Variants in DCDC1 observed in about 807,000 individuals in gnomAD.
The protein encoded by DCDC1 is doublecortin domain containing 1, also known as doublecortin domain-containing protein 1.
A neutral mutation model predicts 178.3 loss-of-function variants in DCDC1; 200 were observed. The ratio of observed to expected loss-of-function variants is 1.12; its 90% CI spans 1.00 to 1.26. The LOEUF (loss-of-function observed/expected upper bound fraction) is 1.26, where lower values mean the gene tolerates loss of function less well. DCDC1 is among the 50% of genes most tolerant of loss of function. DCDC1 has a pLI of 0.00. For missense variants in DCDC1, 1,983 were observed against 1,749.2 expected (o/e 1.13, Z -2.38); for synonymous variants, 690 against 604.8 (o/e 1.14, Z -2.07).
chr11:31,200,655 A>C (rs1307835202), intron 9 of DCDC1, among the ~76,000 whole-genome samples: 1 of 151,984 alleles, frequency 6.6e-6, no homozygotes, highest in Non-Finnish European at 1.5e-5. Flanking sequence ...TTATTTTTTA[A>C]AGGAACAAAT....
chr11:30,961,537 T>A lies in DCDC1; in HGVS notation c.2592-8969A>T, dbSNP rs184299202. 2.0e-3 allele frequency among the ~76,000 whole-genome samples: 298 copies of A among 152,208 alleles called. 1 individual carries two copies. Among genetic ancestry groups the A allele is most frequent in the African/African-American group, 6.7e-3 (280 of 41,566 alleles). ...TAACGTTTTGTTTTACGCAAGGTGC[T>A]ATTTATTTTGCTGACCACTTTTCAG... On this transcript the variant is annotated intron_variant, in intron 20 of 38. Coordinates refer to ENST00000684477, the MANE Select transcript of DCDC1 (RefSeq NM_001387274.1).
intron 8 of DCDC1, among the ~76,000 whole-genome samples, chr11:31,261,725 A>G (rs956672282): frequency 4.6e-5 from 7 of 152,150 alleles, no homozygotes; most frequent in African/African-American, 1.7e-4. Flanking sequence ...ACGGATACCA[A>G]GGAATAACTG....
Position 31,338,623 on chromosome 11 carries a change from T to C in DCDC1, c.-124-3059A>G, listed in dbSNP as rs117768254. Among the ~76,000 whole-genome samples, 323 of 152,318 alleles carry C rather than the reference T, an allele frequency of 2.1e-3. 9 individuals carry two copies. The East Asian group carries it at 0.036, about 17-fold the overall frequency. Reference sequence around the variant, plus strand: ...GCCACTTGACCACATGACTAAATTCTGGTCAGCAGAATGTAAGCAGAAGTG... The same window carrying C: ...GCCACTTGACCACATGACTAAATTCCGGTCAGCAGAATGTAAGCAGAAGTG... On this transcript the variant is annotated intron_variant, in intron 1 of 38. Coordinates refer to ENST00000684477, the MANE Select transcript of DCDC1 (RefSeq NM_001387274.1).
At chr11:31,369,125 C>CA (rs1314657812) in intron 1 of DCDC1, among the ~76,000 whole-genome samples, 1 of 152,168 alleles carries the variant, frequency 6.6e-6, no homozygotes, top group Non-Finnish European at 1.5e-5. Context: ...TGCCCCTACC[C>CA]AACTAGCTGT....
chr11:31,334,795 G>A (rs1010888504), intron 2 of DCDC1, among the ~76,000 whole-genome samples: 40 of 152,102 alleles, frequency 2.6e-4, no homozygotes, highest in South Asian at 4.1e-4. Context: ...AGGGGTACCC[G>A]CCTATATGAG....
intron 9 of DCDC1, among the ~76,000 whole-genome samples, chr11:31,217,541 T>G (rs1206372322): frequency 6.6e-6 from 1 of 152,110 alleles, no homozygotes; most frequent in Non-Finnish European, 1.5e-5. Flanking sequence ...GAAGCACCTC[T>G]GTAAGAAAAG....
intron 17 of DCDC1, among the ~76,000 whole-genome samples, chr11:31,083,666 G>A (rs1320028036): frequency 6.6e-6 from 1 of 152,194 alleles, no homozygotes; most frequent in Non-Finnish European, 1.5e-5. Flanking sequence ...AAAGCCAGAA[G>A]TATGTCACTT....
chr11:31,198,035 T>C (rs1053037710), intron 9 of DCDC1, among the ~76,000 whole-genome samples: 4 of 150,988 alleles, frequency 2.6e-5, no homozygotes, highest in African/African-American at 9.7e-5. Flanking sequence ...ATGTGTATTT[T>C]ATGAAGTATA....
intron 9 of DCDC1, among the ~76,000 whole-genome samples, chr11:31,175,357 A>G (rs754642517): frequency 1.2e-4 from 19 of 152,206 alleles, no homozygotes; most frequent in Non-Finnish European, 2.5e-4. Flanking sequence ...GCCAGATGAA[A>G]GGACCAAGAC....
chr11:31,182,757 C>T (rs1476921192), intron 9 of DCDC1, among the ~76,000 whole-genome samples: 1 of 152,122 alleles, frequency 6.6e-6, no homozygotes, highest in Non-Finnish European at 1.5e-5. Context: ...AGAATATTAA[C>T]CTTAAATGTA....
intron 20 of DCDC1, among the ~76,000 whole-genome samples, chr11:30,961,471 A>C (rs1949094080): frequency 6.6e-6 from 1 of 152,064 alleles, no homozygotes; most frequent in African/African-American, 2.4e-5. Flanking sequence ...TGAGGGTTAA[A>C]ATGATCAGAT....
intron 17 of DCDC1, among the ~76,000 whole-genome samples, chr11:31,090,607 C>T (rs568324262): frequency 6.6e-6 from 1 of 152,250 alleles, no homozygotes; most frequent in African/African-American, 2.4e-5. Flanking sequence ...GAATTTGAGT[C>T]TGTAGATCAC....
intron 7 of DCDC1, among the ~76,000 whole-genome samples, chr11:31,286,724 T>C (rs1946866606): frequency 6.6e-6 from 1 of 151,940 alleles, no homozygotes; most frequent in Admixed American, 6.6e-5. Flanking sequence ...CCTCTAAAAG[T>C]TGGGCTGAAA....
chr11:31,220,066 G>A (rs1045651909), intron 9 of DCDC1, among the ~76,000 whole-genome samples: 6 of 152,064 alleles, frequency 3.9e-5, no homozygotes, highest in Non-Finnish European at 8.8e-5. Flanking sequence ...CATGTGAACA[G>A]AAAAAGAGAA....
At chr11:31,177,273 CAAAG>C (rs768324756) in intron 9 of DCDC1, among the ~76,000 whole-genome samples, 1 of 150,074 alleles carries the variant, frequency 6.7e-6, no homozygotes, top group African/African-American at 2.5e-5. Context: ...ATGATAATGA[CAAAG>C]AAAGAAAGTA....
At chr11:31,181,924 C>CA (rs1968851844) in intron 9 of DCDC1, among the ~76,000 whole-genome samples, 1 of 152,066 alleles carries the variant, frequency 6.6e-6, no homozygotes. Flanking sequence ...AAAAACACAG[C>CA]ATGGGAACTT....
At chr11:31,105,065 C>T (rs897069392) in intron 13 of DCDC1, among the ~76,000 whole-genome samples, 3 of 152,156 alleles carry the variant, frequency 2.0e-5, no homozygotes, top group South Asian at 2.1e-4. Context: ...TTACTTAACA[C>T]GTATTGCACA....
At chr11:31,194,323 T>G (rs2136375009) in intron 9 of DCDC1, among the ~76,000 whole-genome samples, 1 of 152,204 alleles carries the variant, frequency 6.6e-6, no homozygotes, top group Non-Finnish European at 1.5e-5. Flanking sequence ...CCAAAATTTC[T>G]GATGATATGA....
chr11:31,087,650 C>T (rs1359234957), intron 17 of DCDC1, among the ~76,000 whole-genome samples: 1 of 151,982 alleles, frequency 6.6e-6, no homozygotes, highest in East Asian at 1.9e-4. Flanking sequence ...GAAAACTTGC[C>T]ACTATATTTT....
Sources: gnomAD v4.1 joint callset for allele counts (sites outside exome capture counted in the v4.1 genomes callset) on GRCh38, gnomAD v4.1.1 for gene constraint, MANE v1.5 for transcripts, NCBI Gene and HGNC (gene_info 2026-07-23, HGNC 2026-07-21) for gene names.